SEL1L3: variants seen among roughly 807,000 people sequenced by gnomAD.
SEL1L3 encodes the protein SEL1L family member 3.
In SEL1L3, 76 loss-of-function variants were observed where a neutral mutation model predicts 142.8. The observed-to-expected ratio is 0.53, with a 90% CI of 0.44 to 0.64. The LOEUF is 0.64. Ranked by LOEUF, SEL1L3 falls within the 30% of genes least tolerant of loss-of-function variation. The pLI, the probability that SEL1L3 is intolerant of heterozygous loss-of-function variation, is 0.00. For synonymous variants in SEL1L3, 504 were observed against 519.6 expected (o/e 0.97, Z 0.41); for missense variants, 1,262 against 1,381.7 (o/e 0.91, Z 1.37).
At chr4:25,714,440 C>T in the SEL1L3 span, among the ~76,000 whole-genome samples, 1 of 152,154 alleles carries the variant, frequency 6.6e-6, no homozygotes, top group East Asian at 1.9e-4. Flanking sequence ...ATAAATGGTA[C>T]AGCTACTTAT....
intron 9 of SEL1L3, among the ~76,000 whole-genome samples, chr4:25,809,207 G>A (rs1713847743): frequency 6.6e-6 from 1 of 151,460 alleles, no homozygotes; most frequent in Admixed American, 6.6e-5. Flanking sequence ...GCAGTGGCAT[G>A]ATCTTGGCTC....
At chr4:25,748,637 G>A in intron 23 of SEL1L3, 73 bp from the exon 24 acceptor site, 5 of 1,506,946 alleles carry the variant, frequency 3.3e-6, no homozygotes, top group Non-Finnish European at 4.5e-6. Flanking sequence ...CACACCTAGA[G>A]ACTCTGGCAA....
the SEL1L3 span, among the ~76,000 whole-genome samples, chr4:25,723,187 A>G: frequency 2.6e-5 from 4 of 152,218 alleles, no homozygotes; most frequent in African/African-American, 9.6e-5. Context: ...GAGGACTGAT[A>G]GTAAAAGGTT....
At chr4:25,792,416 AAT>A (rs981159519) in intron 11 of SEL1L3, among the ~76,000 whole-genome samples, 2 of 152,120 alleles carry the variant, frequency 1.3e-5, no homozygotes, top group African/African-American at 4.8e-5. Context: ...GCTGAAATCC[AAT>A]CTGGGCACAG....
the SEL1L3 span, chr4:25,718,248 G>A: frequency 6.6e-6 from 1 of 152,148 alleles, no homozygotes; most frequent in South Asian, 2.1e-4. Context: ...GGAAAGGGCT[G>A]TAATTAGTAT....
intron 17 of SEL1L3, among the ~76,000 whole-genome samples, chr4:25,771,895 T>C (rs187346729): frequency 6.6e-6 from 1 of 152,342 alleles, no homozygotes; most frequent in African/African-American, 2.4e-5. Flanking sequence ...TACGCTGATA[T>C]AGCAAAAAGC....
intron 1 of SEL1L3, among the ~76,000 whole-genome samples, chr4:25,858,572 ATT>A (rs139555950): frequency 6.7e-6 from 1 of 149,426 alleles, no homozygotes; most frequent in South Asian, 2.1e-4. Context: ...GTTTTTTTTG[ATT>A]TTTTTGTTTG....
chr4:25,746,330 C>T (rs957400583), downstream of SEL1L3, among the ~76,000 whole-genome samples: 3 of 151,576 alleles, frequency 2.0e-5, no homozygotes, highest in African/African-American at 7.3e-5. Context: ...CCAGCCTGGG[C>T]AACATGGCAA....
At chr4:25,734,668 A>C in the SEL1L3 span, among the ~76,000 whole-genome samples, 4 of 152,034 alleles carry the variant, frequency 2.6e-5, no homozygotes, top group African/African-American at 9.7e-5. Flanking sequence ...TCCCGGATCC[A>C]AGTGATTCTC....
At chr4:25,733,171 A>T in the SEL1L3 span, among the ~76,000 whole-genome samples, 2 of 152,054 alleles carry the variant, frequency 1.3e-5, no homozygotes, top group African/African-American at 4.8e-5. Flanking sequence ...ATTTTGCCAG[A>T]TTTTCACTGG....
At chr4:25,846,532 T>C (rs1444644989) in intron 2 of SEL1L3, among the ~76,000 whole-genome samples, 1 of 152,190 alleles carries the variant, frequency 6.6e-6, no homozygotes, top group Non-Finnish European at 1.5e-5. Flanking sequence ...AGCCAGAGGT[T>C]ACCATTCTGT....
chr4:25,721,913 C>CT, the SEL1L3 span, among the ~76,000 whole-genome samples: 1 of 152,116 alleles, frequency 6.6e-6, no homozygotes, highest in Non-Finnish European at 1.5e-5. Flanking sequence ...GCTTTCGAGC[C>CT]TTTTTGCCAT....
chr4:25,738,097 C>G, the SEL1L3 span, among the ~76,000 whole-genome samples: 1 of 152,234 alleles, frequency 6.6e-6, no homozygotes, highest in South Asian at 2.1e-4. Flanking sequence ...CCACGTTGGC[C>G]AGGCTGGTCT....
chr4:25,808,599 C>T (rs1433247775), intron 9 of SEL1L3, among the ~76,000 whole-genome samples: 1 of 151,726 alleles, frequency 6.6e-6, no homozygotes, highest in African/African-American at 2.4e-5. Flanking sequence ...TGTAATGCAT[C>T]CAAGGTAGAA....
chr4:25,794,541 G>A (rs1045210941), intron 11 of SEL1L3, among the ~76,000 whole-genome samples: 1 of 152,168 alleles, frequency 6.6e-6, no homozygotes, highest in Admixed American at 6.5e-5. Flanking sequence ...TCAGAATGGC[G>A]ATTATTAACA....
chr4:25,842,644 G>A (rs1362060113), intron 2 of SEL1L3, among the ~76,000 whole-genome samples: 1 of 152,234 alleles, frequency 6.6e-6, no homozygotes, highest in African/African-American at 2.4e-5. Flanking sequence ...CCTCCCTCAT[G>A]TGGCAACACA....
intron 14 of SEL1L3, among the ~76,000 whole-genome samples, chr4:25,783,216 T>C (rs531247673): frequency 1.3e-5 from 2 of 152,354 alleles, no homozygotes; most frequent in South Asian, 2.1e-4. Flanking sequence ...ACCATTAAGT[T>C]ACTTTTCTAC....
At chr4:25,791,397 C>A (rs1293066593) in intron 11 of SEL1L3, among the ~76,000 whole-genome samples, 5 of 152,190 alleles carry the variant, frequency 3.3e-5, no homozygotes, top group Non-Finnish European at 7.4e-5. Context: ...GTATCTGACT[C>A]CTTTGAAGAA....
At chr4:25,783,404 G>A (rs936517888) in intron 14 of SEL1L3, among the ~76,000 whole-genome samples, 3 of 152,208 alleles carry the variant, frequency 2.0e-5, no homozygotes, top group Non-Finnish European at 4.4e-5. Flanking sequence ...AGACAACAAT[G>A]AGGAAGAAAA....
Sources: allele counts gnomAD v4.1 joint callset (sites outside exome capture counted in the v4.1 genomes callset), GRCh38; gene constraint gnomAD v4.1.1; transcripts MANE v1.5; gene names NCBI Gene and HGNC (gene_info 2026-07-23, HGNC 2026-07-21).